DIAPH3: variants seen among roughly 807,000 people sequenced by gnomAD.
DIAPH3 encodes the protein protein diaphanous homolog 3.
Under a neutral mutation model 144.3 loss-of-function variants are expected in DIAPH3, and 117 were observed. The ratio of observed to expected loss-of-function variants is 0.81; its 90% CI spans 0.70 to 0.95. The LOEUF (loss-of-function observed/expected upper bound fraction) is 0.95. Among genes scored for constraint, DIAPH3 ranks in the 40% least tolerant of loss-of-function variants. The probability of loss-of-function intolerance (pLI) is 0.00; values close to 1 mark genes in which losing one functional copy is unlikely to be tolerated. For missense variants in DIAPH3, 1,421 were observed against 1,412.7 expected, an observed-to-expected ratio of 1.01 and a Z score of -0.09; for synonymous variants, 519 against 488.9, an observed-to-expected ratio of 1.06 and a Z score of -0.81.
chr13:59,789,724 G>A (rs956969300), intron 25 of DIAPH3, among the ~76,000 whole-genome samples: 1 of 152,158 alleles, frequency 6.6e-6, no homozygotes, highest in Non-Finnish European at 1.5e-5. Context: ...GGAAGAAGGG[G>A]AAAATAAGGT....
At chr13:60,041,160 A>C (rs963050256) in intron 5 of DIAPH3, among the ~76,000 whole-genome samples, 1 of 151,778 alleles carries the variant, frequency 6.6e-6, no homozygotes, top group Non-Finnish European at 1.5e-5. Context: ...CATATTCTAC[A>C]GGCAAAGATT....
At chr13:59,698,810 C>T (rs2033949900) in intron 27 of DIAPH3, among the ~76,000 whole-genome samples, 1 of 152,122 alleles carries the variant, frequency 6.6e-6, no homozygotes, top group African/African-American at 2.4e-5. Context: ...ATTAGGATGG[C>T]ATGGTGCAGT....
At chr13:59,747,555 C>T (rs2036766713) in intron 27 of DIAPH3, among the ~76,000 whole-genome samples, 1 of 152,172 alleles carries the variant, frequency 6.6e-6, no homozygotes, top group African/African-American at 2.4e-5. Context: ...GCCCCATTCT[C>T]CCACTGGAGT....
chr13:59,722,973 C>A (rs760868479), intron 27 of DIAPH3, among the ~76,000 whole-genome samples: 1 of 152,174 alleles, frequency 6.6e-6, no homozygotes, highest in Non-Finnish European at 1.5e-5. Context: ...GAACCCTGAC[C>A]TATACAGCAT....
chr13:59,839,254 T>C, intron 23 of DIAPH3, 70 bp downstream of exon 23: 10 of 1,581,526 alleles, frequency 6.3e-6, no homozygotes, highest in African/African-American at 1.3e-5. Flanking sequence ...CACAAAGACA[T>C]CTAAAATATT....
chr13:60,104,234 A>C (rs1367002486), intron 3 of DIAPH3, among the ~76,000 whole-genome samples: 1 of 152,176 alleles, frequency 6.6e-6, no homozygotes, highest in Non-Finnish European at 1.5e-5. Flanking sequence ...TATCAGCTTT[A>C]CTATGTCCTT....
chr13:59,751,718 C>G (rs2037016563), intron 27 of DIAPH3, among the ~76,000 whole-genome samples: 1 of 152,172 alleles, frequency 6.6e-6, no homozygotes, highest in Non-Finnish European at 1.5e-5. Context: ...TTACATCAAA[C>G]AGGAGAATAT....
intron 18 of DIAPH3, among the ~76,000 whole-genome samples, chr13:59,918,617 C>T (rs1390159898): frequency 6.6e-6 from 1 of 152,134 alleles, no homozygotes; most frequent in African/African-American, 2.4e-5. Flanking sequence ...CCACCCAAAG[C>T]ACTTCTAGGC....
chr13:59,790,019 T>C (rs998255349), intron 25 of DIAPH3, among the ~76,000 whole-genome samples: 1 of 152,204 alleles, frequency 6.6e-6, no homozygotes, highest in Admixed American at 6.5e-5. Flanking sequence ...AATATAAAAC[T>C]ATAAAGTCTA....
At chr13:60,018,685 T>G (rs2053815378) in intron 5 of DIAPH3, among the ~76,000 whole-genome samples, 2 of 152,148 alleles carry the variant, frequency 1.3e-5, no homozygotes, top group Admixed American at 1.3e-4. Flanking sequence ...TCACTTCATC[T>G]ATTACAATCT....
chr13:59,788,340 C>T (rs938648525), intron 25 of DIAPH3, among the ~76,000 whole-genome samples: 1 of 152,040 alleles, frequency 6.6e-6, no homozygotes, highest in African/African-American at 2.4e-5. Flanking sequence ...AAAATTGTGG[C>T]CATCTGTGGT....
chr13:59,681,867 A>G (rs538549625), intron 27 of DIAPH3, among the ~76,000 whole-genome samples: 147 of 152,352 alleles, frequency 9.6e-4, no homozygotes, highest in African/African-American at 3.5e-3. Flanking sequence ...TCCTGGCTCC[A>G]AACTATAGCA....
intron 24 of DIAPH3, among the ~76,000 whole-genome samples, chr13:59,817,309 A>T (rs959216754): frequency 6.6e-6 from 1 of 151,882 alleles, no homozygotes; most frequent in African/African-American, 2.4e-5. Flanking sequence ...TCCTAACATA[A>T]TCCTAAATCT....
chr13:60,044,907 C>A (rs182645579), intron 4 of DIAPH3, among the ~76,000 whole-genome samples: 2 of 152,232 alleles, frequency 1.3e-5, no homozygotes. Context: ...TTAAAAGGGG[C>A]TTTTCCCCCA....
intron 27 of DIAPH3, among the ~76,000 whole-genome samples, chr13:59,667,138 TC>T (rs1483050312): frequency 6.6e-6 from 1 of 152,202 alleles, no homozygotes; most frequent in Non-Finnish European, 1.5e-5. Context: ...GTCCCATATT[TC>T]TTTCAGGTCT....
intron 14 of DIAPH3, among the ~76,000 whole-genome samples, chr13:59,977,674 A>C (rs1946556342): frequency 6.6e-6 from 1 of 151,790 alleles, no homozygotes; most frequent in African/African-American, 2.4e-5. Flanking sequence ...AATGACAAAG[A>C]AATGAAAAAA....
intron 20 of DIAPH3, among the ~76,000 whole-genome samples, chr13:59,885,075 A>G (rs1214475126): frequency 2.0e-5 from 3 of 152,170 alleles, no homozygotes; most frequent in African/African-American, 7.2e-5. Flanking sequence ...CTTTGTTTAT[A>G]AATCCTTATC....
intron 12 of DIAPH3, among the ~76,000 whole-genome samples, chr13:59,989,862 AAC>A (rs949459666): frequency 1.3e-5 from 2 of 151,900 alleles, no homozygotes; most frequent in African/African-American, 4.8e-5. Flanking sequence ...GAAAACAAAC[AAC>A]AGTCTTAAAT....
At chr13:59,690,282 C>T (rs1239401748) in intron 27 of DIAPH3, among the ~76,000 whole-genome samples, 1 of 152,064 alleles carries the variant, frequency 6.6e-6, no homozygotes, top group Non-Finnish European at 1.5e-5. Flanking sequence ...ACCTTTTCTT[C>T]AGCATGAGCA....
Sources: gnomAD v4.1 joint callset for allele counts (sites outside exome capture counted in the v4.1 genomes callset) on GRCh38, gnomAD v4.1.1 for gene constraint, MANE v1.5 for transcripts, NCBI Gene and HGNC (gene_info 2026-07-23, HGNC 2026-07-21) for gene names.